CTNNA2: variants seen among roughly 807,000 people sequenced by gnomAD.
CTNNA2 encodes catenin alpha-2.
In CTNNA2, 42 loss-of-function variants were observed where a neutral mutation model predicts 101.0. The ratio of observed to expected loss-of-function variants is 0.42; its 90% CI spans 0.32 to 0.54. The LOEUF (loss-of-function observed/expected upper bound fraction) is 0.54, where lower values mean the gene tolerates loss of function less well. Ranked by LOEUF, CTNNA2 falls within the 20% of genes least tolerant of loss-of-function variation. The pLI is 0.14. For missense variants in CTNNA2, 871 were observed against 1,223.1 expected (o/e 0.71, Z 4.29); for synonymous variants, 450 against 456.4 (o/e 0.99, Z 0.18).
At position 79,383,142 on chromosome 2, in the gene CTNNA2, G is replaced by A. The variant is rs1303587574; in HGVS notation, c.-135+9129G>A. Among the ~76,000 whole-genome samples, 3 of 152,206 alleles carry A rather than the reference G, an allele frequency of 2.0e-5. No homozygotes were observed. The East Asian group carries it at 5.8e-4, about 29-fold the overall frequency. On this transcript the variant is annotated intron_variant, in intron 4 of 21. Transcript: ENST00000466387. ...ATTTCCTTTGGTAAATCTAAAGGAA[G>A]ACAGAGGTCCTGGGGATAGAAGTCA...
At chr2:79,892,632 G>A (rs2104218639) in intron 6 of CTNNA2, among the ~76,000 whole-genome samples, 1 of 152,326 alleles carries the variant, frequency 6.6e-6, no homozygotes, top group African/African-American at 2.4e-5. Flanking sequence ...GGGAAAGAAA[G>A]AGAAAGAGAC....
intron 1 of CTNNA2, among the ~76,000 whole-genome samples, chr2:79,186,299 A>G (rs1255032819): frequency 3.9e-5 from 6 of 152,162 alleles, no homozygotes; most frequent in Non-Finnish European, 7.3e-5. Context: ...TTATCCATCT[A>G]CTCATTTTAT....
At chr2:79,984,408 G>A (rs1422800013) in intron 7 of CTNNA2, among the ~76,000 whole-genome samples, 1 of 152,142 alleles carries the variant, frequency 6.6e-6, no homozygotes, top group Non-Finnish European at 1.5e-5. Flanking sequence ...TAAAAGGGCT[G>A]ATTGTGCTCA....
intron 7 of CTNNA2, among the ~76,000 whole-genome samples, chr2:80,099,755 C>CA (rs11435408): frequency 0.75 from 105,864 of 141,396 alleles, 40,078 homozygotes; most frequent in East Asian, 0.85. Flanking sequence ...CTCTTTCCTT[C>CA]AAAAAAAAAA....
intron 3 of CTNNA2, among the ~76,000 whole-genome samples, chr2:79,313,044 C>T (rs1384682560): frequency 6.6e-6 from 1 of 152,156 alleles, no homozygotes; most frequent in Non-Finnish European, 1.5e-5. Flanking sequence ...AACTAAAGGA[C>T]CAAAATGCTG....
intron 9 of CTNNA2, among the ~76,000 whole-genome samples, chr2:80,450,015 G>A (rs1422471203): frequency 6.6e-6 from 1 of 152,122 alleles, no homozygotes; most frequent in Non-Finnish European, 1.5e-5. Flanking sequence ...GGTGTGCATT[G>A]GTTTATACAT....
At position 79,369,484 on chromosome 2, in the gene CTNNA2, C is replaced by T. The variant is rs150177886; in HGVS notation, c.-317-4347C>T. On this transcript the variant is annotated intron_variant, in intron 3 of 21. Transcript: ENST00000466387. ...TGAAGGCACATGCACACGACTGTAGCGGCACCCCTGTCTCCGGCCCATTGT... is the reference window on the plus strand; with the variant it reads ...TGAAGGCACATGCACACGACTGTAGTGGCACCCCTGTCTCCGGCCCATTGT... Among the ~76,000 whole-genome samples, 290 of 152,242 alleles carry T rather than the reference C, an allele frequency of 1.9e-3. 1 individual carries two copies. Among genetic ancestry groups the T allele is most frequent in the African/African-American group, 6.7e-3 (279 of 41,550 alleles).
intron 2 of CTNNA2, among the ~76,000 whole-genome samples, chr2:79,730,763 G>A (rs1402953103): frequency 6.6e-6 from 1 of 151,858 alleles, no homozygotes; most frequent in Non-Finnish European, 1.5e-5. Context: ...ACTCAAGGTA[G>A]AGTGTACTCA....
chr2:79,192,443 G>T (rs1251403328), intron 1 of CTNNA2, among the ~76,000 whole-genome samples: 1 of 152,110 alleles, frequency 6.6e-6, no homozygotes, highest in East Asian at 1.9e-4. Flanking sequence ...ATCAGGCCAT[G>T]ATGGTCTGGG....
chr2:80,124,794 C>G (rs1702028041), intron 7 of CTNNA2, among the ~76,000 whole-genome samples: 1 of 152,184 alleles, frequency 6.6e-6, no homozygotes, highest in Non-Finnish European at 1.5e-5. Flanking sequence ...AATATGCAAT[C>G]TTTGAGAGTC....
At chr2:80,539,041 T>G (rs1011382802) in intron 9 of CTNNA2, among the ~76,000 whole-genome samples, 15 of 152,126 alleles carry the variant, frequency 9.9e-5, no homozygotes, top group African/African-American at 3.6e-4. Flanking sequence ...TTTTTTGAGA[T>G]GCAGTTTCAC....
chr2:79,776,693 A>G (rs760370646), intron 3 of CTNNA2, among the ~76,000 whole-genome samples: 2 of 152,226 alleles, frequency 1.3e-5, no homozygotes, highest in Non-Finnish European at 2.9e-5. Context: ...ATATTTTTGT[A>G]ATGATATTAT....
At position 79,437,158 on chromosome 2, in the gene CTNNA2, C is replaced by T. The variant is rs551098517; in HGVS notation, c.-135+63145C>T. Among the ~76,000 whole-genome samples, 220 of 151,354 alleles carry T rather than the reference C, an allele frequency of 1.5e-3. 1 individual carries two copies. Among genetic ancestry groups the T allele is most frequent in the African/African-American group, 5.1e-3 (212 of 41,272 alleles). The stretch of plus-strand genomic sequence containing the variant: ...CTGAGGCAGGAGAATCAGTTGAAAC[C>T]GGGAGGCAGTGGTTGCAATGAGCCA... On this transcript the variant is annotated intron_variant, in intron 4 of 21. Coordinates refer to the CTNNA2 transcript ENST00000466387.
At chr2:80,043,076 TTTC>T (rs1696224256) in intron 7 of CTNNA2, among the ~76,000 whole-genome samples, 1 of 47,536 alleles carries the variant, frequency 2.1e-5, no homozygotes, top group Non-Finnish European at 4.0e-5. Flanking sequence ...TCTTTCTTTC[TTTC>T]TTTCTTTCTT....
intron 7 of CTNNA2, among the ~76,000 whole-genome samples, chr2:79,977,228 A>G (rs1055451124): frequency 3.3e-5 from 5 of 150,552 alleles, no homozygotes; most frequent in African/African-American, 9.7e-5. Context: ...GCATGCACAC[A>G]CACACACACA....
intron 7 of CTNNA2, among the ~76,000 whole-genome samples, chr2:80,149,625 G>A (rs1019276629): frequency 6.6e-6 from 1 of 152,112 alleles, no homozygotes; most frequent in Non-Finnish European, 1.5e-5. Flanking sequence ...GCATACTTAC[G>A]TAACTGTAGG....
At chr2:79,968,527 A>G (rs745753228) in intron 7 of CTNNA2, among the ~76,000 whole-genome samples, 13 of 152,146 alleles carry the variant, frequency 8.5e-5, no homozygotes, top group Non-Finnish European at 1.3e-4. Context: ...AGGAAATGGC[A>G]GAGGAGATTA....
intron 18 of CTNNA2, among the ~76,000 whole-genome samples, chr2:80,646,802 G>A (rs1674141758): frequency 6.6e-6 from 1 of 152,024 alleles, no homozygotes; most frequent in African/African-American, 2.4e-5. Flanking sequence ...CCAACAAGGT[G>A]ACAGTACAGA....
chr2:80,017,443 C>CGT (rs1694233635), intron 7 of CTNNA2, among the ~76,000 whole-genome samples: 2 of 150,330 alleles, frequency 1.3e-5, no homozygotes, highest in Non-Finnish European at 1.5e-5. Context: ...GATATATATA[C>CGT]GTGTGTATAT....
Sources: gnomAD v4.1 joint callset for allele counts (sites outside exome capture counted in the v4.1 genomes callset) on GRCh38, gnomAD v4.1.1 for gene constraint, MANE v1.5 for transcripts, NCBI Gene and HGNC (gene_info 2026-07-23, HGNC 2026-07-21) for gene names.